The following WDR33 variants were observed in gnomAD, a reference collection of about 807,000 sequenced individuals.
WDR33 encodes pre-mRNA 3' end processing protein WDR33.
A neutral mutation model predicts 164.9 loss-of-function variants in WDR33; 47 were observed. That is an observed-to-expected ratio of 0.29 (90% CI 0.23 to 0.36). WDR33 has a LOEUF of 0.36. Ranked by LOEUF, WDR33 falls within the 10% of genes least tolerant of loss-of-function variation. The pLI is 1.00. For missense variants in WDR33, 1,137 were observed against 1,754.1 expected, an observed-to-expected ratio of 0.65 and a Z score of 6.28; for synonymous variants, 505 against 589.0, an observed-to-expected ratio of 0.86 and a Z score of 2.06.
intron 7 of WDR33, among the ~76,000 whole-genome samples, chr2:127,731,278 G>C (rs1051320546): frequency 2.6e-5 from 3 of 115,088 alleles, no homozygotes; most frequent in Non-Finnish European, 3.3e-5. Context: ...CTGGGCAACA[G>C]AGCAAGACCC....
rs1401605360 is a variant in WDR33 at position 127,712,095 on chromosome 2, G to A, written c.3308+1488C>T. Among the ~76,000 whole-genome samples the A allele has an allele frequency of 1.3e-5, 2 of 151,836 alleles. No individual in the cohort carries two copies. Among genetic ancestry groups the A allele is most frequent in the East Asian group, 1.9e-4 (1 of 5,142 alleles). On this transcript the variant is annotated intron_variant, in intron 18 of 21. Transcript: ENST00000322313. This position sits in a 1 kb window ranked among gnomAD's most constrained non-coding sequence, Gnocchi z 4.0. ...CCTTAACCATCTATTCACAAGAAGA[G>A]TAAGAAATGGAATGAAAGGACCAGG...
intron 4 of WDR33, 58 bp from the exon 5 acceptor site, chr2:127,765,327 A>G (rs1290881639): frequency 1.6e-6 from 2 of 1,256,268 alleles, no homozygotes; most frequent in Non-Finnish European, 2.3e-6. Flanking sequence ...TTTGAAAAAC[A>G]TATTAAAGGT....
At chr2:127,804,486 A>C (rs1405302156) in intron 1 of WDR33, among the ~76,000 whole-genome samples, 1 of 152,164 alleles carries the variant, frequency 6.6e-6, no homozygotes, top group Non-Finnish European at 1.5e-5. Context: ...CTTGTTCTTG[A>C]GCAGAGAAGT....
chr2:127,769,965 C>T (rs1299632224), intron 2 of WDR33, among the ~76,000 whole-genome samples: 2 of 152,128 alleles, frequency 1.3e-5, no homozygotes, highest in Non-Finnish European at 2.9e-5. Context: ...TTGCTTTTAC[C>T]CTGTAGGACT....
In WDR33 at chr2:127,719,785, C is replaced by A. The variant is rs769272156; in HGVS notation, c.2240G>T (p.Arg747Ile). 4 of 1,613,842 alleles carry A rather than the reference C, an allele frequency of 2.5e-6. No homozygotes were observed. Among genetic ancestry groups the A allele is most frequent in the Non-Finnish European group, 3.4e-6 (4 of 1,179,998 alleles). The stretch of plus-strand genomic sequence containing the variant: ...AGGATGAGGAGGCCCTTGCATTCCT[C>A]TGGGACCAGGTGGTCCCTGCATACC... ...TQGMQGPPGP[R>I]GMQGPPHPHG... The change falls in exon 16 of 22, where the codon AGA becomes ATA. Residue 747 changes from arginine (R) to isoleucine (I), a missense_variant. This residue lies in a region of WDR33 where 867 missense variants were observed against 1,073.0 expected (regional missense o/e 0.81). Transcript: ENST00000322313. The surrounding 1 kb of genome is among the most constrained non-coding windows in gnomAD (Gnocchi z 6.5).
At position 127,711,751 on chromosome 2, in the gene WDR33, G is replaced by GATATATATATAT. The variant is rs754454193; in HGVS notation, c.3308+1820_3308+1831dup. ...CAACCCTAACTCAACCACATATACA[G>GATATATATATAT]ATATATATATATATATATATATATA... is the stretch of plus-strand genomic sequence containing the variant. On this transcript the variant is annotated intron_variant, in intron 18 of 21. Transcript: ENST00000322313. 5.6e-4 allele frequency among the ~76,000 whole-genome samples: 40 copies of GATATATATATAT among 71,576 alleles called. 1 individual carries two copies. Among genetic ancestry groups the GATATATATATAT allele is most frequent in the African/African-American group, 1.8e-3 (18 of 10,102 alleles). The allele number at this position is 71,576 out of a possible 152,430, so 47.0% of individuals were successfully genotyped here.
Position 127,726,750 on chromosome 2 carries a change from T to G in WDR33, c.752A>C (p.Asp251Ala). ...RGHGADVKCVDWHPTKGLVVS... is the reference protein window; with the variant it reads ...RGHGADVKCVAWHPTKGLVVS... ...AACTAACCCTTTGGTTGGATGCCAG[T>G]CTACACATTTCACATCAGCACCATG... Residue 251 changes from aspartate (D) to alanine (A), a missense_variant, in exon 8 of 22, where the codon GAC becomes GCC. By Grantham distance (126) the Asp-to-Ala change is moderately radical. Around this residue, in one of 9 missense-constraint regions of WDR33, gnomAD observed 83 missense variants for 189.2 expected, o/e 0.44. Transcript: ENST00000322313. This position sits in a 1 kb window ranked among gnomAD's most constrained non-coding sequence, Gnocchi z 4.8. 1 of 1,614,194 alleles carries G rather than the reference T, an allele frequency of 6.2e-7. No homozygotes were observed. Among genetic ancestry groups the G allele is most frequent in the Non-Finnish European group, 8.5e-7 (1 of 1,180,016 alleles).
rs1038544887 is a variant in WDR33, at chr2:127,710,204, T to C, written c.3309-348A>G. 2.6e-5 allele frequency among the ~76,000 whole-genome samples: 4 copies of C among 152,226 alleles called. No individual in the cohort carries two copies. The highest frequency in any genetic ancestry group is 7.2e-5 in the African/African-American group (3 of 41,452). ...ACTGATGAGAACACTGAGGCCCAGA[T>C]TGCTGACATCATTTATTCAAGGACA... is the stretch of plus-strand genomic sequence containing the variant. On this transcript the variant is annotated intron_variant, in intron 18 of 21. Coordinates refer to ENST00000322313, the MANE Select transcript of WDR33 (RefSeq NM_018383.5). The surrounding 1 kb of genome is among the most constrained non-coding windows in gnomAD (Gnocchi z 4.4).
chr2:127,748,261 A>T (rs1334256988), intron 7 of WDR33, among the ~76,000 whole-genome samples: 1 of 152,166 alleles, frequency 6.6e-6, no homozygotes, highest in Non-Finnish European at 1.5e-5. Context: ...AGGACACCCC[A>T]TGGTTCCCTG....
chr2:127,752,912 A>AGACT (rs909930812), intron 7 of WDR33, among the ~76,000 whole-genome samples: 1 of 151,938 alleles, frequency 6.6e-6, no homozygotes, highest in Non-Finnish European at 1.5e-5. Context: ...TCCACTTATA[A>AGACT]GACTTTATTT....
chr2:127,755,146 C>T (rs557738193), intron 7 of WDR33, among the ~76,000 whole-genome samples: 1 of 152,170 alleles, frequency 6.6e-6, no homozygotes, highest in South Asian at 2.1e-4. Flanking sequence ...ACAGAACTTC[C>T]TATTTATCTT....
chr2:127,775,729 C>G (rs1434658051), intron 1 of WDR33, among the ~76,000 whole-genome samples: 1 of 152,156 alleles, frequency 6.6e-6, no homozygotes, highest in Non-Finnish European at 1.5e-5. Flanking sequence ...TTTAAGACCT[C>G]ATAGAGGATG....
chr2:127,766,355 T>C (rs1687820230), intron 4 of WDR33, among the ~76,000 whole-genome samples: 1 of 152,170 alleles, frequency 6.6e-6, no homozygotes, highest in Non-Finnish European at 1.5e-5. Flanking sequence ...CACAAATATA[T>C]ATGACAATTT....
At chr2:127,727,828 T>C (rs556740204) in intron 7 of WDR33, among the ~76,000 whole-genome samples, 1 of 152,286 alleles carries the variant, frequency 6.6e-6, no homozygotes, top group African/African-American at 2.4e-5. Flanking sequence ...AAATCCAGCT[T>C]CTGTGAAGTT....
chr2:127,707,241 A>AAG (rs1686041714), intron 21 of WDR33, among the ~76,000 whole-genome samples: 3 of 151,616 alleles, frequency 2.0e-5, no homozygotes, highest in Non-Finnish European at 2.9e-5. Flanking sequence ...AAAAAAAAAA[A>AAG]AAAAGAAAAA....
chr2:127,709,717 C>T lies in WDR33; in HGVS notation c.3448G>A (p.Gly1150Ser). 3 of 1,614,262 alleles carry T rather than the reference C, an allele frequency of 1.9e-6. No homozygotes were observed. Among genetic ancestry groups the T allele is most frequent in the Non-Finnish European group, 2.5e-6 (3 of 1,180,052 alleles). ...EEAARGRDLR[G>S]RGRGTPRGGR... ...CCTCGTGGGGTACCCCGACCTCGAC[C>T]TCTGAGATCTCGTCCTCGGGCCGCT... Residue 1150 changes from glycine (G) to serine (S), a missense_variant, in exon 19 of 22, where the codon GGT (glycine) becomes AGT (serine). Gly to Ser is a moderately conservative substitution (Grantham distance 56). Around this residue, in one of 9 missense-constraint regions of WDR33, gnomAD observed 867 missense variants for 1,073.0 expected, o/e 0.81. Transcript: ENST00000322313. The surrounding 1 kb of genome is among the most constrained non-coding windows in gnomAD (Gnocchi z 5.0).
At chr2:127,805,626 G>A (rs1213457001) in intron 1 of WDR33, among the ~76,000 whole-genome samples, 3 of 152,064 alleles carry the variant, frequency 2.0e-5, no homozygotes, top group Non-Finnish European at 4.4e-5. Context: ...GGCCTCAAAG[G>A]TGGCAAGAAG....
Position 127,701,880 on chromosome 2 carries a change from C to T in WDR33, c.*4443G>A. On this transcript the variant is annotated 3_prime_UTR_variant, in exon 22 of 22. Coordinates refer to ENST00000322313, the MANE Select transcript of WDR33 (RefSeq NM_018383.5). The stretch of plus-strand genomic sequence containing the variant: ...GCTGCTCTGGTCACTGGGCTCGGCG[C>T]TGGCGTTGGCGGGAAGCGCGCTGCT... 1 of 1,457,804 alleles carries T rather than the reference C, an allele frequency of 6.9e-7. No homozygotes were observed. The highest frequency in any genetic ancestry group is 9.0e-7 in the Non-Finnish European group (1 of 1,110,828). 90.3% of individuals were successfully genotyped at this position (1,457,804 alleles called of 1,614,324 possible).
At position 127,713,918 on chromosome 2, in the gene WDR33, C is replaced by A. The variant is rs149150978; in HGVS notation, c.2973G>T (p.Arg991=). 2.4e-4 allele frequency: 394 copies of A among 1,610,614 alleles called. No homozygotes were observed. Among genetic ancestry groups the A allele is most frequent in the Non-Finnish European group, 3.2e-4 (381 of 1,178,070 alleles). Residue 991 remains arginine, a synonymous_variant, in exon 18 of 22, where the codon CGG becomes CGT. Coordinates refer to ENST00000322313, the MANE Select transcript of WDR33 (RefSeq NM_018383.5). The surrounding 1 kb of genome is among the most constrained non-coding windows in gnomAD (Gnocchi z 6.2). ...PEHGPERGPF[R]GGQDCRGPPD... is the part of the protein sequence containing the mutation. ...GGGGACCCCTGCAGTCCTGGCCACC[C>A]CGGAAAGGCCCCCTCTCGGGCCCAT...
Sources: allele counts gnomAD v4.1 joint callset (sites outside exome capture counted in the v4.1 genomes callset), GRCh38; gene constraint gnomAD v4.1.1; regional missense constraint gnomAD v4.1.1; non-coding constraint Gnocchi (gnomAD v3.1); transcripts MANE v1.5; gene names NCBI Gene and HGNC (gene_info 2026-07-23, HGNC 2026-07-21).